The following TSNARE1 variants were observed in gnomAD, a reference collection of about 807,000 sequenced individuals.
The protein encoded by TSNARE1 is t-SNARE domain containing 1, also known as t-SNARE domain-containing protein 1.
Under a neutral mutation model 62.0 loss-of-function variants are expected in TSNARE1, and 49 were observed. The ratio of observed to expected loss-of-function variants is 0.79; its 90% CI spans 0.63 to 1.00. The LOEUF is 1.00. TSNARE1 is among the 50% of genes least tolerant of loss of function. The pLI is 0.00. For missense variants in TSNARE1, 755 were observed against 700.1 expected (o/e 1.08, Z -0.88); for synonymous variants, 328 against 294.4 (o/e 1.11, Z -1.17).
At chr8:142,307,782 A>C (rs1327603911) in intron 9 of TSNARE1, among the ~76,000 whole-genome samples, 1 of 152,196 alleles carries the variant, frequency 6.6e-6, no homozygotes, top group Non-Finnish European at 1.5e-5. Flanking sequence ...AAAATGCTGA[A>C]CTTGATATTC....
intron 6 of TSNARE1, among the ~76,000 whole-genome samples, chr8:142,318,851 CAA>C (rs933308166): frequency 4.0e-5 from 6 of 151,012 alleles, no homozygotes; most frequent in African/African-American, 1.5e-4. Flanking sequence ...CAGAAAGAGG[CAA>C]AGACTCAGAG....
chr8:142,346,101 G>A lies in TSNARE1; in HGVS notation c.89-209C>T, dbSNP rs562723382. 5.3e-5 allele frequency among the ~76,000 whole-genome samples: 8 copies of A among 152,290 alleles called. No individual in the cohort carries two copies. In the South Asian group the frequency reaches 1.0e-3, roughly 20 times the overall value. On this transcript the variant is annotated intron_variant, in intron 2 of 13. Transcript: ENST00000524325. ...AGGAGTTCAGAACTTTAGGTGTTCC[G>A]GACTTTTCTCTGAACCAGTTCTGAA...
intron 13 of TSNARE1, among the ~76,000 whole-genome samples, chr8:142,221,333 G>A (rs1375880558): frequency 6.6e-6 from 1 of 152,192 alleles, no homozygotes; most frequent in Non-Finnish European, 1.5e-5. Flanking sequence ...CACACACGCA[G>A]GCACATAACA....
intron 12 of TSNARE1, among the ~76,000 whole-genome samples, chr8:142,259,191 G>C (rs1054772169): frequency 1.1e-4 from 17 of 152,264 alleles, no homozygotes; most frequent in African/African-American, 3.9e-4. Context: ...GGGCAGAAGG[G>C]CGACAGCACC....
intron 13 of TSNARE1, among the ~76,000 whole-genome samples, chr8:142,225,161 C>G (rs560121360): frequency 7.0e-4 from 106 of 152,012 alleles, no homozygotes; most frequent in African/African-American, 2.4e-3. Flanking sequence ...CCCCCTCCCC[C>G]CAGACCCTCC....
intron 13 of TSNARE1, among the ~76,000 whole-genome samples, chr8:142,226,168 G>A (rs1447597499): frequency 6.6e-6 from 1 of 152,192 alleles, no homozygotes; most frequent in Non-Finnish European, 1.5e-5. Context: ...GATTTAGAGG[G>A]ACTAAGTCAG....
chr8:142,249,675 G>A (rs954876566), intron 12 of TSNARE1, among the ~76,000 whole-genome samples: 4 of 152,182 alleles, frequency 2.6e-5, no homozygotes, highest in Non-Finnish European at 4.4e-5. Context: ...GGCCGTCCGC[G>A]TCAGGACCGG....
rs1831093803 is a variant in TSNARE1 at position 142,331,835 on chromosome 8, G to A, written c.746-4C>T. 1.2e-6 allele frequency: 2 copies of A among 1,606,026 alleles called. No individual in the cohort carries two copies. The highest frequency in any genetic ancestry group is 2.7e-5 in the African/African-American group (2 of 74,808). ...TTGCACGGATCGACCTGGGTGGCTG[G>A]GAGAAGACAGGGAGGAGGAAAGAAC... On this transcript the variant is annotated splice_polypyrimidine_tract_variant and splice_region_variant and intron_variant, in intron 4 of 13. Transcript: ENST00000524325.
chr8:142,249,985 G>A (rs568417783), intron 12 of TSNARE1, among the ~76,000 whole-genome samples: 16 of 152,224 alleles, frequency 1.1e-4, no homozygotes, highest in Non-Finnish European at 1.6e-4. Context: ...TGGGGAGTGG[G>A]GGCCGGGGGA....
chr8:142,314,337 G>A (rs1482046558), intron 9 of TSNARE1, 47 bp downstream of exon 9: 3 of 1,571,590 alleles, frequency 1.9e-6, no homozygotes, highest in African/African-American at 2.7e-5. Flanking sequence ...GCGGATTCTG[G>A]GCTGTCCCCT....
At chr8:142,301,903 T>A (rs961140724) in intron 9 of TSNARE1, among the ~76,000 whole-genome samples, 1 of 152,232 alleles carries the variant, frequency 6.6e-6, no homozygotes, top group Non-Finnish European at 1.5e-5. Context: ...CGTGGGGCTC[T>A]GCAGCAGCGC....
At chr8:142,256,063 ACCATC>A (rs1818506244) in intron 12 of TSNARE1, among the ~76,000 whole-genome samples, 1 of 87,320 alleles carries the variant, frequency 1.1e-5, no homozygotes, top group Admixed American at 1.0e-4. Context: ...CATCACCACC[ACCATC>A]ACCATCACCA....
At chr8:142,310,937 T>A (rs1827479465) in intron 9 of TSNARE1, among the ~76,000 whole-genome samples, 2 of 152,030 alleles carry the variant, frequency 1.3e-5, no homozygotes, top group South Asian at 2.1e-4. Flanking sequence ...GCAACCTCCA[T>A]CACCCAGGTT....
chr8:142,271,179 GCCC>G, intron 12 of TSNARE1: 1 of 990,700 alleles, frequency 1.0e-6, no homozygotes. Flanking sequence ...CCTCCAGCAG[GCCC>G]CTGGGCCACT....
intron 4 of TSNARE1, among the ~76,000 whole-genome samples, chr8:142,342,792 A>T (rs1000183384): frequency 5.3e-5 from 8 of 149,846 alleles, no homozygotes; most frequent in Admixed American, 5.3e-4. Context: ...AGGAGCTCAG[A>T]CGCCATGCCT....
In TSNARE1 at chr8:142,291,963, C is replaced by A. The variant is rs1318187737; in HGVS notation, c.1291-7478G>T. Among the ~76,000 whole-genome samples, 1 of 151,612 alleles carries A rather than the reference C, an allele frequency of 6.6e-6. No individual in the cohort carries two copies. Among genetic ancestry groups the A allele is most frequent in the South Asian group, 2.1e-4 (1 of 4,784 alleles). ...CGTGGACGGTCACAGCAACGCACGC[C>A]CCCCCCGGCCCCCCACCTGTTTCAA... On this transcript the variant is annotated intron_variant, in intron 10 of 13. Transcript: ENST00000524325. The surrounding 1 kb of genome is among the most constrained non-coding windows in gnomAD (Gnocchi z 4.8).
chr8:142,280,724 C>T (rs1028765089), intron 11 of TSNARE1, among the ~76,000 whole-genome samples: 1 of 152,192 alleles, frequency 6.6e-6, no homozygotes, highest in Non-Finnish European at 1.5e-5. Flanking sequence ...AGACTCAGCA[C>T]ATCCCAGCCC....
chr8:142,282,780 AG>A (rs1278804807), intron 11 of TSNARE1, among the ~76,000 whole-genome samples: 11 of 145,592 alleles, frequency 7.6e-5, no homozygotes, highest in African/African-American at 2.6e-4. Flanking sequence ...CAATGAGCAG[AG>A]GCGGGGTCAG....
intron 12 of TSNARE1, among the ~76,000 whole-genome samples, chr8:142,252,695 A>G (rs1466010741): frequency 6.6e-6 from 1 of 152,180 alleles, no homozygotes; most frequent in Non-Finnish European, 1.5e-5. Flanking sequence ...TGCCAATAGC[A>G]CTGCGAGGGC....
Sources: allele counts gnomAD v4.1 joint callset (sites outside exome capture counted in the v4.1 genomes callset), GRCh38; gene constraint gnomAD v4.1.1; non-coding constraint Gnocchi (gnomAD v3.1); transcripts MANE v1.5; gene names NCBI Gene and HGNC (gene_info 2026-07-23, HGNC 2026-07-21).